UGGT1: variants seen among roughly 807,000 people sequenced by gnomAD.
The protein encoded by UGGT1 is UDP-glucose glycoprotein glucosyltransferase 1, also known as UDP-glucose:glycoprotein glucosyltransferase 1.
A neutral mutation model predicts 203.9 loss-of-function variants in UGGT1; 107 were observed. That is an observed-to-expected ratio of 0.52 (90% CI 0.45 to 0.62). The LOEUF (loss-of-function observed/expected upper bound fraction) is 0.62. Ranked by LOEUF, UGGT1 falls within the 20% of genes least tolerant of loss-of-function variation. The pLI is 0.00. For missense variants in UGGT1, 1,673 were observed against 1,867.2 expected, an observed-to-expected ratio of 0.90 and a Z score of 1.92; for synonymous variants, 628 against 653.5, an observed-to-expected ratio of 0.96 and a Z score of 0.59.
rs1688039508 is a variant in UGGT1 at position 128,115,147 on chromosome 2, C to T, written c.720C>T (p.Tyr240=). ...YIFNPRKEPV[Y]LSGYGVELAI... ...AGAATCCCAGGAAGGAGCCTGTTTA[C>T]CTCTCTGGCTATGGCGTGGAATTGG... The change falls in exon 7 of 41, where the codon TAC becomes TAT. Residue 240 remains tyrosine (Y), a synonymous_variant. Coordinates refer to ENST00000259253, the MANE Select transcript of UGGT1 (RefSeq NM_020120.4). The T allele has an allele frequency of 6.2e-7, 1 of 1,613,998 alleles. No homozygotes were observed. The highest frequency in any genetic ancestry group is 8.5e-7 in the Non-Finnish European group (1 of 1,179,950).
rs370309601 is a variant in UGGT1 at position 128,113,188 on chromosome 2, A to G, written c.626A>G (p.Asn209Ser). The stretch of plus-strand genomic sequence containing the variant: ...GAGATTGGCTCTGAGGAATTTTCCA[A>G]TTTTCACCGCCAGCTTATATCAAAA... ...YSEIGSEEFS[N>S]FHRQLISKSN... The change falls in exon 6 of 41, where the codon AAT becomes AGT. Residue 209 changes from asparagine to serine, a missense_variant. This residue lies in a region of UGGT1 where 1,073 missense variants were observed against 1,078.7 expected (regional missense o/e 0.99). Transcript: ENST00000259253. The G allele has an allele frequency of 9.3e-6, 15 of 1,613,316 alleles. No homozygotes were observed. Among genetic ancestry groups the G allele is most frequent in the Non-Finnish European group, 1.2e-5 (14 of 1,179,674 alleles).
chr2:128,121,532 A>G (rs765310026), intron 10 of UGGT1, among the ~76,000 whole-genome samples: 1 of 151,104 alleles, frequency 6.6e-6, no homozygotes, highest in Non-Finnish European at 1.5e-5. Flanking sequence ...CAGCCTCCCA[A>G]GTAGCTGGTA....
intron 2 of UGGT1, among the ~76,000 whole-genome samples, chr2:128,100,023 C>A (rs1248674052): frequency 1.8e-5 from 1 of 54,926 alleles, no homozygotes; most frequent in African/African-American, 6.3e-5. Flanking sequence ...TTACAACCCC[C>A]CCCCCCACCC....
intron 16 of UGGT1, chr2:128,140,448 G>C (rs1689360761): frequency 6.6e-6 from 1 of 152,424 alleles, no homozygotes; most frequent in South Asian, 2.1e-4. Flanking sequence ...GGAAAACAAG[G>C]ATATCCTGGG....
chr2:128,176,162 C>T (rs1322889082), intron 31 of UGGT1, among the ~76,000 whole-genome samples: 2 of 152,090 alleles, frequency 1.3e-5, no homozygotes, highest in African/African-American at 4.8e-5. Context: ...GCCTGTAATC[C>T]CAACACTTTG....
At chr2:128,128,513 C>T (rs1215753952) in intron 12 of UGGT1, among the ~76,000 whole-genome samples, 1 of 152,002 alleles carries the variant, frequency 6.6e-6, no homozygotes, top group Non-Finnish European at 1.5e-5. Context: ...GGGGTTTCAC[C>T]ATGTTGGCCA....
intron 8 of UGGT1, among the ~76,000 whole-genome samples, chr2:128,119,472 A>G (rs1688274936): frequency 1.3e-5 from 2 of 152,124 alleles, no homozygotes; most frequent in African/African-American, 4.8e-5. Context: ...TATGGCATTT[A>G]AAAGAAAAAA....
intron 10 of UGGT1, 122 bp from the exon 11 acceptor site, chr2:128,123,064 G>A (rs932167899): frequency 1.6e-6 from 1 of 624,770 alleles, no homozygotes; most frequent in East Asian, 3.1e-5. Context: ...AAAAATTTAA[G>A]GTTTTTCCCA....
At chr2:128,133,975 T>C (rs1469497984) in intron 14 of UGGT1, among the ~76,000 whole-genome samples, 3 of 152,118 alleles carry the variant, frequency 2.0e-5, no homozygotes, top group African/African-American at 7.2e-5. Context: ...AGTGCCAAGG[T>C]TGGCCTCCTC....
At chr2:128,145,601 A>T in intron 17 of UGGT1, 1 of 521,826 alleles carries the variant, frequency 1.9e-6, no homozygotes, top group Non-Finnish European at 3.2e-6. Flanking sequence ...TGAACTCAGT[A>T]ATTCAATCTC....
chr2:128,154,799 T>C (rs745975055), intron 19 of UGGT1, among the ~76,000 whole-genome samples: 6 of 152,118 alleles, frequency 3.9e-5, no homozygotes, highest in Non-Finnish European at 7.4e-5. Flanking sequence ...AGACTGACAT[T>C]TGTATAGGGT....
intron 40 of UGGT1, among the ~76,000 whole-genome samples, chr2:128,188,343 C>T (rs986872421): frequency 6.6e-6 from 1 of 151,584 alleles, no homozygotes. Flanking sequence ...TGCGCCTGGC[C>T]GAAAAAAGTA....
At chr2:128,172,507 AG>A in intron 28 of UGGT1, 65 bp from the exon 29 acceptor site, 2 of 1,529,120 alleles carry the variant, frequency 1.3e-6, no homozygotes, top group Non-Finnish European at 1.8e-6. Flanking sequence ...TACCTGTGTA[AG>A]GGCTGTGCAC....
At chr2:128,109,382 AT>A (rs1175230402) in intron 4 of UGGT1, among the ~76,000 whole-genome samples, 1 of 151,354 alleles carries the variant, frequency 6.6e-6, no homozygotes, top group Non-Finnish European at 1.5e-5. Flanking sequence ...TATTTTTTTT[AT>A]TTTTTGTAGA....
Position 128,133,220 on chromosome 2 carries a change from C to T in UGGT1, c.1457C>T (p.Pro486Leu), listed in dbSNP as rs1312727501. ...CAAGAGTTGCTTCGACCCACCTTTC[C>T]TGGTGTTATTCGGCAGATCAGGAAA... ...SLQELLRPTF[P>L]GVIRQIRKNL... Residue 486 changes from proline (P) to leucine (L), a missense_variant, in exon 14 of 41, where the codon CCT (proline) becomes CTT (leucine). This residue lies in a region of UGGT1 where 1,073 missense variants were observed against 1,078.7 expected (regional missense o/e 0.99). Transcript: ENST00000259253. 7 of 1,614,058 alleles carry T rather than the reference C, an allele frequency of 4.3e-6. No individual in the cohort carries two copies. The highest frequency in any genetic ancestry group is 5.1e-6 in the Non-Finnish European group (6 of 1,179,960).
chr2:128,167,571 C>T (rs981336834), intron 26 of UGGT1, among the ~76,000 whole-genome samples: 12 of 152,148 alleles, frequency 7.9e-5, no homozygotes, highest in African/African-American at 2.9e-4. Context: ...ACAAGTTGCT[C>T]CTGGGGGATT....
chr2:128,182,031 C>G (rs1219165765), intron 36 of UGGT1, 99 bp from the exon 37 acceptor site: 1 of 1,206,426 alleles, frequency 8.3e-7, no homozygotes, highest in Non-Finnish European at 1.2e-6. Flanking sequence ...CACGGAGCAG[C>G]CTTCCATGCT....
At position 128,117,099 on chromosome 2, in the gene UGGT1, A is replaced by T. The variant is rs764058225; in HGVS notation, c.872+756A>T. Among the ~76,000 whole-genome samples, 15 of 150,348 alleles carry T rather than the reference A, an allele frequency of 1.0e-4. 1 individual carries two copies. The highest frequency in any genetic ancestry group is 1.9e-4 in the East Asian group (1 of 5,180). ...ATTATTATTTTTTATTTATTTATTT[A>T]TTTTTTTTGAGACAGAGTCTTGCTC... On this transcript the variant is annotated intron_variant, in intron 8 of 40. Transcript: ENST00000259253.
Position 128,189,803 on chromosome 2 carries a change from T to C in UGGT1, c.*61T>C. On this transcript the variant is annotated 3_prime_UTR_variant, in exon 41 of 41. Transcript: ENST00000259253. ...AAACAGTTTTTATAATAAATGCTAG[T>C]TTTTTCTGATCTGTCTATACAACTG... 6.3e-7 allele frequency: 1 copy of C among 1,588,638 alleles called. No homozygotes were observed.
Sources: gnomAD v4.1 joint callset for allele counts (sites outside exome capture counted in the v4.1 genomes callset) on GRCh38, gnomAD v4.1.1 for gene constraint, gnomAD v4.1.1 regional missense constraint, MANE v1.5 for transcripts, NCBI Gene and HGNC (gene_info 2026-07-23, HGNC 2026-07-21) for gene names.